Variants in MAP7 observed in about 807,000 individuals in gnomAD.
MAP7 encodes the protein ensconsin.
MAP7 carries 52 observed loss-of-function variants against 94.8 expected under a neutral mutation model. The ratio of observed to expected loss-of-function variants is 0.55; its 90% CI spans 0.44 to 0.69. The LOEUF (loss-of-function observed/expected upper bound fraction) is 0.69, where lower values mean the gene tolerates loss of function less well. Ranked by LOEUF, MAP7 falls within the 30% of genes least tolerant of loss-of-function variation. The pLI is 0.00. For missense variants in MAP7, 940 were observed against 964.6 expected, an observed-to-expected ratio of 0.97 and a Z score of 0.34; for synonymous variants, 350 against 357.0, an observed-to-expected ratio of 0.98 and a Z score of 0.22.
intron 7 of MAP7, among the ~76,000 whole-genome samples, chr6:136,375,301 T>G (rs1328997477): frequency 6.6e-6 from 1 of 152,194 alleles, no homozygotes; most frequent in East Asian, 1.9e-4. Context: ...AAAAAAAGTA[T>G]AGAAAAGTCA....
intron 1 of MAP7, among the ~76,000 whole-genome samples, chr6:136,522,186 T>A (rs1472780976): frequency 6.6e-6 from 1 of 152,138 alleles, no homozygotes; most frequent in Non-Finnish European, 1.5e-5. Context: ...CCTAAGCCAG[T>A]CCTGAAGTCA....
At chr6:136,532,991 G>GA (rs1286102116) in intron 1 of MAP7, among the ~76,000 whole-genome samples, 6 of 152,242 alleles carry the variant, frequency 3.9e-5, no homozygotes, top group Non-Finnish European at 7.3e-5. Flanking sequence ...ACAATGTAAT[G>GA]AAAACCTACT....
chr6:136,394,517 T>C (rs998337081), intron 3 of MAP7, among the ~76,000 whole-genome samples: 2 of 152,154 alleles, frequency 1.3e-5, no homozygotes, highest in Non-Finnish European at 2.9e-5. Flanking sequence ...TATGTAGTAA[T>C]CAAATCAGGG....
intron 1 of MAP7, among the ~76,000 whole-genome samples, chr6:136,464,951 C>T (rs1304114799): frequency 6.6e-6 from 1 of 152,176 alleles, no homozygotes; most frequent in Non-Finnish European, 1.5e-5. Context: ...CAAACAATGA[C>T]AGAGAGCACT....
Position 136,415,660 on chromosome 6 carries a change from GCTAT to G in MAP7, c.167-3967_167-3964del, listed in dbSNP as rs1411029298. ...GTGCTAGTTTTTCTCTGATTTCTAT[GCTAT>G]CATTTCATATGAAAATTATACTCTT... On this transcript the variant is annotated intron_variant, in intron 2 of 17. Coordinates refer to ENST00000354570, the MANE Select transcript of MAP7 (RefSeq NM_003980.6). Among the ~76,000 whole-genome samples the G allele has an allele frequency of 7.2e-5, 11 of 152,250 alleles. No individual in the cohort carries two copies. The South Asian group carries it at 1.0e-3, about 14-fold the overall frequency.
At chr6:136,490,324 A>C (rs1444314944) in intron 1 of MAP7, among the ~76,000 whole-genome samples, 1 of 152,246 alleles carries the variant, frequency 6.6e-6, no homozygotes, top group Non-Finnish European at 1.5e-5. Flanking sequence ...AGCCACTTCC[A>C]TCATACTTAC....
chr6:136,480,641 C>CAA (rs769951186), intron 1 of MAP7, among the ~76,000 whole-genome samples: 335 of 20,124 alleles, frequency 0.017, 45 homozygotes, highest in Non-Finnish European at 0.023. Flanking sequence ...GACTCTGCCT[C>CAA]AAAAAAAAAA....
At chr6:136,364,440 T>C (rs970249049) in intron 10 of MAP7, 1 of 303,662 alleles carries the variant, frequency 3.3e-6, no homozygotes, top group Non-Finnish European at 6.3e-6. Context: ...AAGGAGGATA[T>C]GGGCTTTGGT....
intron 1 of MAP7, among the ~76,000 whole-genome samples, chr6:136,451,727 C>A (rs1319321571): frequency 6.6e-6 from 1 of 152,100 alleles, no homozygotes. Context: ...TGATGCATGG[C>A]AGGAGGTCAA....
chr6:136,548,101 C>A (rs1327339629), intron 1 of MAP7, among the ~76,000 whole-genome samples: 1 of 120,506 alleles, frequency 8.3e-6, no homozygotes, highest in Non-Finnish European at 1.7e-5. Context: ...ACCACCACCC[C>A]CCCCCACCCC....
chr6:136,489,640 G>A (rs1451390617), intron 1 of MAP7, among the ~76,000 whole-genome samples: 1 of 147,374 alleles, frequency 6.8e-6, no homozygotes, highest in Non-Finnish European at 1.5e-5. Flanking sequence ...TGAGTCTTGT[G>A]TCTCAGCCTC....
At chr6:136,467,509 A>G (rs3799435) in intron 1 of MAP7, among the ~76,000 whole-genome samples, 2,433 of 152,340 alleles carry the variant, frequency 0.016, 88 homozygotes, top group East Asian at 0.14. Flanking sequence ...CCAGGGGAGA[A>G]GAAGAACTAG....
intron 1 of MAP7, among the ~76,000 whole-genome samples, chr6:136,497,810 A>G (rs1818744717): frequency 6.6e-6 from 1 of 151,382 alleles, no homozygotes; most frequent in Non-Finnish European, 1.5e-5. Context: ...AAAAAAAAAA[A>G]AAAAAAAAAG....
intron 1 of MAP7, among the ~76,000 whole-genome samples, chr6:136,467,307 C>A (rs963946236): frequency 3.3e-5 from 5 of 152,176 alleles, no homozygotes; most frequent in Admixed American, 3.3e-4. Flanking sequence ...GATTTTGTTT[C>A]CATACTAAAA....
chr6:136,472,222 G>A (rs932982609), intron 1 of MAP7, among the ~76,000 whole-genome samples: 1 of 152,084 alleles, frequency 6.6e-6, no homozygotes, highest in Non-Finnish European at 1.5e-5. Flanking sequence ...ACCTTTTCCT[G>A]TCAATTCCTA....
At position 136,506,536 on chromosome 6, in the gene MAP7, CA is replaced by C. The variant is rs1163485339; in HGVS notation, c.67+43805del. 5.3e-5 allele frequency among the ~76,000 whole-genome samples: 8 copies of C among 151,512 alleles called. No individual in the cohort carries two copies. In the East Asian group the frequency reaches 1.5e-3, roughly 29 times the overall value. ...CTGGAAACAATAAAAGATTATTTAT[CA>C]GGGGGCATCTGCTCTTCCAGCCTCA... On this transcript the variant is annotated intron_variant, in intron 1 of 17. Transcript: ENST00000354570.
At chr6:136,433,506 T>C (rs923734360) in intron 1 of MAP7, among the ~76,000 whole-genome samples, 1 of 152,168 alleles carries the variant, frequency 6.6e-6, no homozygotes, top group Non-Finnish European at 1.5e-5. Context: ...TCCAAGGAAA[T>C]AACCACAAGG....
chr6:136,411,722 T>C, intron 2 of MAP7, 25 bp from the exon 3 acceptor site: 4 of 1,525,120 alleles, frequency 2.6e-6, no homozygotes, highest in Non-Finnish European at 3.5e-6. Flanking sequence ...AAAAAAAACA[T>C]GAGATGAAGA....
chr6:136,364,310 C>T (rs1178233489), intron 10 of MAP7: 12 of 502,312 alleles, frequency 2.4e-5, no homozygotes, highest in African/African-American at 3.9e-5. Flanking sequence ...ACATGGGGAG[C>T]CTCATCTGCA....
Sources: gnomAD v4.1 joint callset for allele counts (sites outside exome capture counted in the v4.1 genomes callset) on GRCh38, gnomAD v4.1.1 for gene constraint, MANE v1.5 for transcripts, NCBI Gene and HGNC (gene_info 2026-07-23, HGNC 2026-07-21) for gene names.